NAA38: variants seen among roughly 807,000 people sequenced by gnomAD.
NAA38 encodes N-alpha-acetyltransferase 38, NatC auxiliary subunit.
In NAA38, 15 loss-of-function variants were observed where a neutral mutation model predicts 12.6. The ratio of observed to expected loss-of-function variants is 1.19; its 90% confidence interval spans 0.79 to 1.83. The LOEUF (loss-of-function observed/expected upper bound fraction) is 1.83. NAA38 is among the 40% of genes most tolerant of loss of function. The probability of loss-of-function intolerance (pLI) is 0.00; values close to 1 mark genes in which losing one functional copy is unlikely to be tolerated. For missense variants in NAA38, 183 were observed against 171.7 expected, an observed-to-expected ratio of 1.07 and a Z score of -0.37; for synonymous variants, 88 against 69.9, an observed-to-expected ratio of 1.26 and a Z score of -1.29.
intron 1 of NAA38, chr17:7,884,875 G>T: frequency 7.6e-7 from 1 of 1,314,116 alleles, no homozygotes; most frequent in Non-Finnish European, 1.0e-6. Context: ...AGGAAGAAGA[G>T]GAGGAAGAAG....
rs531211984 is a variant in NAA38 at position 7,881,796 on chromosome 17, C to T, written c.-66+1439G>A. Among the ~76,000 whole-genome samples, 20 of 150,234 alleles carry T rather than the reference C, an allele frequency of 1.3e-4. No homozygotes were observed. The East Asian group carries it at 1.8e-3, about 13-fold the overall frequency. On this transcript the variant is annotated intron_variant, in intron 2 of 4. Coordinates refer to the NAA38 transcript ENST00000576861. ...GGCAGGGCCTGGAAGGTAGACAAAC[C>T]GAGAGATGCAGGCTAAAAAAGTGAT... is the stretch of plus-strand genomic sequence containing the variant.
chr17:7,859,620 G>C, upstream of NAA38: 1 of 1,612,938 alleles, frequency 6.2e-7, no homozygotes, highest in Non-Finnish European at 8.5e-7. Flanking sequence ...TAGGCAAGGA[G>C]ATGTACACTC....
At chr17:7,883,270 C>G (rs1404180431) in exon 2 of NAA38, 1 of 152,202 alleles carries the variant, frequency 6.6e-6, no homozygotes, top group Non-Finnish European at 1.5e-5. Context: ...CTTTCTCTTT[C>G]ACGGTACCTC....
At chr17:7,884,478 G>A (rs866177848) in intron 1 of NAA38, among the ~76,000 whole-genome samples, 174 of 105,320 alleles carry the variant, frequency 1.7e-3, no homozygotes, top group East Asian at 3.7e-3. Context: ...ATATATATAT[G>A]TATATATATA....
chr17:7,858,279 G>A, upstream of NAA38: 1 of 1,614,040 alleles, frequency 6.2e-7, no homozygotes. Context: ...AACGTCATTG[G>A]CACAGGAATA....
chr17:7,862,317 G>A (rs2078888884), upstream of NAA38: 1 of 152,126 alleles, frequency 6.6e-6, no homozygotes, highest in South Asian at 2.1e-4. Context: ...ACCTAGTGGG[G>A]GGGATGTTGT....
intron 2 of NAA38, among the ~76,000 whole-genome samples, chr17:7,881,114 G>C (rs1482538854): frequency 1.3e-5 from 2 of 152,124 alleles, no homozygotes; most frequent in Non-Finnish European, 2.9e-5. Context: ...CTTTTCTCTG[G>C]AGCAGTATCC....
chr17:7,859,774 T>G, upstream of NAA38: 1 of 619,260 alleles, frequency 1.6e-6, no homozygotes, highest in South Asian at 1.9e-5. Flanking sequence ...CCCTATTCCC[T>G]GCCTTCATTA....
At chr17:7,866,400 G>GCC (rs1966983326) in intron 3 of NAA38, 2 of 1,077,830 alleles carry the variant, frequency 1.9e-6, no homozygotes, top group Non-Finnish European at 2.4e-6. Context: ...GAGCCATTGC[G>GCC]CCCGGCCGCC....
intron 2 of NAA38, among the ~76,000 whole-genome samples, chr17:7,876,681 A>G (rs1397988638): frequency 6.6e-6 from 1 of 152,136 alleles, no homozygotes; most frequent in Non-Finnish European, 1.5e-5. Flanking sequence ...CATCACAATC[A>G]TATACTGCTA....
chr17:7,882,126 AAG>A (rs1967283820), intron 2 of NAA38, among the ~76,000 whole-genome samples: 1 of 152,176 alleles, frequency 6.6e-6, no homozygotes. Flanking sequence ...AAGCACACTC[AAG>A]AGAGAGAATG....
upstream of NAA38, chr17:7,858,387 T>C: frequency 6.2e-7 from 1 of 1,613,574 alleles, no homozygotes; most frequent in Non-Finnish European, 8.5e-7. Flanking sequence ...ACAGTGGCTG[T>C]GCTGCTCTTT....
chr17:7,858,788 C>A, upstream of NAA38: 1 of 1,573,230 alleles, frequency 6.4e-7, no homozygotes, highest in Admixed American at 1.8e-5. Flanking sequence ...GCATCCGCAT[C>A]ATTAACACGC....
intron 3 of NAA38, among the ~76,000 whole-genome samples, chr17:7,866,250 CTAATTTTT>C (rs1279358617): frequency 1.6e-5 from 2 of 126,168 alleles, no homozygotes; most frequent in African/African-American, 6.6e-5. Flanking sequence ...CCAAGCCCGG[CTAATTTTT>C]TTTTTTTTTT....
At chr17:7,858,259 T>A, upstream of NAA38, 1 of 1,613,984 alleles carries the variant, frequency 6.2e-7, no homozygotes, top group Non-Finnish European at 8.5e-7. Flanking sequence ...CTGGGACGCG[T>A]GTACGACCTA....
chr17:7,867,115 C>T (rs1188644484), intron 2 of NAA38, among the ~76,000 whole-genome samples: 1 of 151,828 alleles, frequency 6.6e-6, no homozygotes, highest in East Asian at 1.9e-4. Context: ...CAAATGCAAA[C>T]GTAGATTGGA....
At chr17:7,866,613 G>T in intron 2 of NAA38, 1 of 921,624 alleles carries the variant, frequency 1.1e-6, no homozygotes, top group Non-Finnish European at 1.4e-6. Flanking sequence ...GTTCCTCTGT[G>T]TGGAACAATC....
chr17:7,857,916 G>A, upstream of NAA38: 5 of 1,419,408 alleles, frequency 3.5e-6, no homozygotes, highest in Non-Finnish European at 4.6e-6. Flanking sequence ...TGCCCCACGC[G>A]GGACTCATAC....
upstream of NAA38, chr17:7,859,613 G>A: frequency 6.2e-7 from 1 of 1,613,566 alleles, no homozygotes; most frequent in Non-Finnish European, 8.5e-7. Context: ...GGAGTTGTAG[G>A]CAAGGAGATG....
Sources: gnomAD v4.1 joint callset for allele counts (sites outside exome capture counted in the v4.1 genomes callset) on GRCh38, gnomAD v4.1.1 for gene constraint, MANE v1.5 for transcripts, NCBI Gene and HGNC (gene_info 2026-07-23, HGNC 2026-07-21) for gene names.